PARD3: variants seen among roughly 807,000 people sequenced by gnomAD.
PARD3 encodes the protein par-3 family cell polarity regulator.
A neutral mutation model predicts 155.4 loss-of-function variants in PARD3; 75 were observed. The ratio of observed to expected loss-of-function variants is 0.48; its 90% CI spans 0.40 to 0.58. The LOEUF (loss-of-function observed/expected upper bound fraction) is 0.58, where lower values mean the gene tolerates loss of function less well. Among genes scored for constraint, PARD3 ranks in the 20% least tolerant of loss-of-function variants. The pLI, the probability that PARD3 is intolerant of heterozygous loss-of-function variation, is 0.00. For synonymous variants in PARD3, 576 were observed against 610.5 expected (o/e 0.94, Z 0.83); for missense variants, 1,642 against 1,721.7 (o/e 0.95, Z 0.82).
At chr10:34,358,871 T>C (rs1839162091) in intron 14 of PARD3, among the ~76,000 whole-genome samples, 1 of 152,168 alleles carries the variant, frequency 6.6e-6, no homozygotes, top group Non-Finnish European at 1.5e-5. Context: ...TGACCCTGAT[T>C]TCAAGAAAAA....
At chr10:34,517,827 T>A (rs1355772263) in intron 2 of PARD3, among the ~76,000 whole-genome samples, 1 of 152,174 alleles carries the variant, frequency 6.6e-6, no homozygotes, top group African/African-American at 2.4e-5. Flanking sequence ...AATAAACTGG[T>A]GCTCAGAATG....
intron 22 of PARD3, among the ~76,000 whole-genome samples, chr10:34,256,688 G>A (rs1417356617): frequency 6.6e-6 from 1 of 151,738 alleles, no homozygotes; most frequent in African/African-American, 2.4e-5. Context: ...CCCCTATATA[G>A]TCTATGGAAT....
chr10:34,479,387 T>A (rs2078926303), intron 3 of PARD3, among the ~76,000 whole-genome samples: 4 of 152,120 alleles, frequency 2.6e-5, no homozygotes, highest in Middle Eastern at 3.4e-3. Flanking sequence ...GGACTCTATC[T>A]CCTGACCTCA....
intron 2 of PARD3, among the ~76,000 whole-genome samples, chr10:34,623,181 A>T (rs981016542): frequency 6.6e-6 from 1 of 152,206 alleles, no homozygotes; most frequent in Non-Finnish European, 1.5e-5. Flanking sequence ...CGAAAGTGAA[A>T]AATGATACTT....
In PARD3 at chr10:34,111,339, GCTT is replaced by G; in HGVS notation, c.3889_3891del (p.Lys1297del). ...TTGCTGGGCCCCTCGGAAGGAGGCT[GCTT>G]CTTCATCTGCTGCTCCTTCCGCCTC... On this transcript the variant is annotated inframe_deletion, in exon 25 of 25. Transcript: ENST00000374788. The G allele has an allele frequency of 6.2e-7, 1 of 1,613,980 alleles. No individual in the cohort carries two copies. Among genetic ancestry groups the G allele is most frequent in the Non-Finnish European group, 8.5e-7 (1 of 1,179,860 alleles).
intron 2 of PARD3, among the ~76,000 whole-genome samples, chr10:34,571,065 T>C (rs2086352881): frequency 6.6e-6 from 1 of 152,100 alleles, no homozygotes; most frequent in African/African-American, 2.4e-5. Context: ...GAATCCCAAC[T>C]TTGGGAGGCT....
chr10:34,220,989 A>G (rs1265667642), intron 22 of PARD3, among the ~76,000 whole-genome samples: 1 of 152,144 alleles, frequency 6.6e-6, no homozygotes, highest in Non-Finnish European at 1.5e-5. Context: ...AAATGGCCTG[A>G]TTTAAGGGGC....
intron 4 of PARD3, among the ~76,000 whole-genome samples, chr10:34,463,533 T>C (rs907730070): frequency 1.1e-4 from 16 of 152,216 alleles, no homozygotes; most frequent in Non-Finnish European, 1.9e-4. Flanking sequence ...CAACATCCAA[T>C]ATTAAATGAG....
At chr10:34,137,850 T>C (rs1298564191) in intron 22 of PARD3, among the ~76,000 whole-genome samples, 1 of 152,166 alleles carries the variant, frequency 6.6e-6, no homozygotes, top group Non-Finnish European at 1.5e-5. Flanking sequence ...TGCTTGTTAT[T>C]AGAGGCCACT....
chr10:34,304,027 C>A (rs1488987396), intron 20 of PARD3, among the ~76,000 whole-genome samples: 1 of 152,030 alleles, frequency 6.6e-6, no homozygotes, highest in South Asian at 2.1e-4. Context: ...CAGCACAGAG[C>A]CACCTAGAAG....
intron 2 of PARD3, among the ~76,000 whole-genome samples, chr10:34,662,342 T>A (rs999428674): frequency 6.6e-6 from 1 of 152,122 alleles, no homozygotes; most frequent in Non-Finnish European, 1.5e-5. Context: ...AGAAAACCAT[T>A]TGGAGGTTCC....
intron 1 of PARD3, among the ~76,000 whole-genome samples, chr10:34,744,265 T>C (rs1022398772): frequency 4.6e-5 from 7 of 152,342 alleles, no homozygotes; most frequent in African/African-American, 1.7e-4. Flanking sequence ...TCTTGAAATA[T>C]TTTCCATGCA....
intron 20 of PARD3, among the ~76,000 whole-genome samples, chr10:34,313,334 T>C (rs534061326): frequency 6.9e-4 from 105 of 152,358 alleles, no homozygotes; most frequent in African/African-American, 2.4e-3. Context: ...ATTAAGGTGA[T>C]AGAAGCTCCT....
intron 22 of PARD3, among the ~76,000 whole-genome samples, chr10:34,147,787 C>T (rs949327470): frequency 2.0e-5 from 3 of 152,058 alleles, no homozygotes; most frequent in Non-Finnish European, 4.4e-5. Context: ...ACTAGTATTA[C>T]CCAGCCAAGG....
At chr10:34,708,291 G>A (rs1048332247) in intron 1 of PARD3, among the ~76,000 whole-genome samples, 1 of 150,624 alleles carries the variant, frequency 6.6e-6, no homozygotes, top group South Asian at 2.1e-4. Flanking sequence ...AGTCCACTTC[G>A]TCTGATATCT....
At chr10:34,541,841 A>G (rs2083630638) in intron 2 of PARD3, among the ~76,000 whole-genome samples, 1 of 152,110 alleles carries the variant, frequency 6.6e-6, no homozygotes, top group African/African-American at 2.4e-5. Flanking sequence ...GCAAACCCAC[A>G]TAGAGTCAAA....
intron 5 of PARD3, among the ~76,000 whole-genome samples, chr10:34,417,307 A>G (rs1845765917): frequency 6.6e-6 from 1 of 152,216 alleles, no homozygotes. Flanking sequence ...TACAGTATTC[A>G]GGTAAGAATG....
At chr10:34,751,325 A>G (rs1364615850) in intron 1 of PARD3, among the ~76,000 whole-genome samples, 2 of 152,206 alleles carry the variant, frequency 1.3e-5, no homozygotes, top group Admixed American at 6.5e-5. Flanking sequence ...CTCCATGCTT[A>G]TAAGACAGAG....
intron 2 of PARD3, among the ~76,000 whole-genome samples, chr10:34,625,167 A>T (rs1250579552): frequency 6.6e-6 from 1 of 152,220 alleles, no homozygotes; most frequent in Non-Finnish European, 1.5e-5. Flanking sequence ...GTAGATTCTG[A>T]GGCCACAGCC....
Sources: gnomAD v4.1 joint callset for allele counts (sites outside exome capture counted in the v4.1 genomes callset) on GRCh38, gnomAD v4.1.1 for gene constraint, MANE v1.5 for transcripts, NCBI Gene and HGNC (gene_info 2026-07-23, HGNC 2026-07-21) for gene names.